The following ALMS1 variants were observed in gnomAD, a reference collection of about 807,000 sequenced individuals.
ALMS1 encodes ALMS1 centrosome and basal body associated protein.
A neutral mutation model predicts 352.2 loss-of-function variants in ALMS1; 271 were observed. The observed-to-expected ratio is 0.77, with a 90% confidence interval of 0.70 to 0.85. The LOEUF (loss-of-function observed/expected upper bound fraction) is 0.85. ALMS1 is among the 40% of genes least tolerant of loss of function. ALMS1 has a pLI of 0.00. For missense variants in ALMS1, 5,445 were observed against 4,870.7 expected (o/e 1.12, Z -3.51); for synonymous variants, 1,865 against 1,761.2 (o/e 1.06, Z -1.48).
chr2:73,468,022 C>A (rs1672392525), intron 9 of ALMS1, among the ~76,000 whole-genome samples: 1 of 151,766 alleles, frequency 6.6e-6, no homozygotes, highest in African/African-American at 2.4e-5. Flanking sequence ...ACATTGCTGT[C>A]ATCACATATA....
At chr2:73,460,481 AACAGCTCCGGTCT>A (rs1672166470) in intron 9 of ALMS1, among the ~76,000 whole-genome samples, 1 of 152,212 alleles carries the variant, frequency 6.6e-6, no homozygotes, top group South Asian at 2.1e-4. Context: ...GCCAAATAGG[AACAGCTCCGGTCT>A]ACAGCTCCCA....
In ALMS1 at chr2:73,411,943, C is replaced by T. The variant is rs925012292; in HGVS notation, c.450+3196C>T. On this transcript the variant is annotated intron_variant, in intron 2 of 22. Transcript: ENST00000613296. Reference sequence around the variant, plus strand: ...ACCAGCTACTTTACTACAAATGTCTCGTCCTCTCTTCCCTTCCGGCTACTG... The same window carrying T: ...ACCAGCTACTTTACTACAAATGTCTTGTCCTCTCTTCCCTTCCGGCTACTG... 3.9e-5 allele frequency among the ~76,000 whole-genome samples: 6 copies of T among 152,186 alleles called. No homozygotes were observed. The East Asian group carries it at 5.8e-4, about 15-fold the overall frequency.
At position 73,399,265 on chromosome 2, in the gene ALMS1, C is replaced by G. The variant is rs115216924; in HGVS notation, c.325-9357C>G. ...CTTGTCTTATTGCATTAGCTATGAC[C>G]TCCAATACACTGTTGGACAGTGGTG... On this transcript the variant is annotated intron_variant, in intron 1 of 22. Transcript: ENST00000613296. 7.9e-3 allele frequency among the ~76,000 whole-genome samples: 1,200 copies of G among 152,174 alleles called. 14 individuals are homozygous for G. The highest frequency in any genetic ancestry group is 0.028 in the African/African-American group (1,147 of 41,532).
chr2:73,541,683 G>C (rs554718493), intron 12 of ALMS1, among the ~76,000 whole-genome samples: 4 of 152,152 alleles, frequency 2.6e-5, no homozygotes, highest in East Asian at 3.9e-4. Context: ...TGATAAAGGG[G>C]ATATCACCAC....
rs752336806 is a variant in ALMS1, at chr2:73,453,567, G to A, written c.7040G>A (p.Gly2347Asp). Residue 2347 changes from glycine to aspartate, a missense_variant, in exon 8 of 23, where the codon GGC (glycine) becomes GAC (aspartate). Transcript: ENST00000613296. ...CAGACGAATTTGAAATGCCGGAGAG[G>A]CATTGAAAATTGGGAGTTTATTAGT... ...GTQTNLKCRRGIENWEFISST... is the reference protein window; with the variant it reads ...GTQTNLKCRRDIENWEFISST... The A allele has an allele frequency of 6.2e-7, 1 of 1,613,754 alleles. No individual in the cohort carries two copies. The highest frequency in any genetic ancestry group is 1.3e-5 in the African/African-American group (1 of 74,844).
chr2:73,563,326 A>G (rs1674705385), intron 15 of ALMS1, among the ~76,000 whole-genome samples: 1 of 152,174 alleles, frequency 6.6e-6, no homozygotes, highest in African/African-American at 2.4e-5. Context: ...CACAATGAGG[A>G]TATTTTGCAT....
chr2:73,439,284 C>CTT (rs879553051), intron 7 of ALMS1, among the ~76,000 whole-genome samples: 1 of 145,552 alleles, frequency 6.9e-6, no homozygotes, highest in Non-Finnish European at 1.5e-5. Flanking sequence ...CCCAGCTAAT[C>CTT]TTTTTTTTTT....
intron 11 of ALMS1, among the ~76,000 whole-genome samples, chr2:73,524,837 C>G (rs1673756342): frequency 6.6e-6 from 1 of 152,128 alleles, no homozygotes. Context: ...CTGATTATAT[C>G]TGACTATATT....
At chr2:73,426,382 TC>T (rs1671378668) in intron 5 of ALMS1, 70 bp from the exon 6 acceptor site, 4 of 1,487,034 alleles carry the variant, frequency 2.7e-6, no homozygotes, top group African/African-American at 2.8e-5. Context: ...AAGGTGAAAG[TC>T]CTTCGTGTGT....
chr2:73,464,231 A>T (rs527714066), intron 9 of ALMS1, among the ~76,000 whole-genome samples: 1 of 152,164 alleles, frequency 6.6e-6, no homozygotes, highest in South Asian at 2.1e-4. Context: ...GCAGCACATC[A>T]AAAAGCTTAT....
At chr2:73,404,225 G>A (rs1670928651) in intron 1 of ALMS1, among the ~76,000 whole-genome samples, 1 of 152,128 alleles carries the variant, frequency 6.6e-6, no homozygotes, top group Non-Finnish European at 1.5e-5. Flanking sequence ...GTCGATTTTA[G>A]TCTTTGGGGG....
At chr2:73,547,278 T>C (rs900548222) in intron 12 of ALMS1, among the ~76,000 whole-genome samples, 2 of 152,186 alleles carry the variant, frequency 1.3e-5, no homozygotes, top group African/African-American at 2.4e-5. Context: ...CATAACTACA[T>C]TGTAAGTGGT....
intron 13 of ALMS1, among the ~76,000 whole-genome samples, chr2:73,552,203 T>C (rs1472878203): frequency 6.6e-6 from 1 of 152,222 alleles, no homozygotes; most frequent in Admixed American, 6.5e-5. Flanking sequence ...ATCCCTCCAT[T>C]TTTTTAGATA....
intron 11 of ALMS1, among the ~76,000 whole-genome samples, chr2:73,521,432 A>T (rs1302422211): frequency 1.3e-5 from 2 of 152,050 alleles, no homozygotes; most frequent in Non-Finnish European, 2.9e-5. Context: ...TGGCAGAAAC[A>T]CAAGAGAGGA....
chr2:73,476,561 T>G (rs1381146063), intron 9 of ALMS1, among the ~76,000 whole-genome samples: 4 of 151,258 alleles, frequency 2.6e-5, no homozygotes, highest in African/African-American at 9.8e-5. Flanking sequence ...CCAATACTTG[T>G]TATTTTCTGT....
chr2:73,424,290 T>G (rs1671336441), intron 4 of ALMS1, 140 bp from the exon 5 acceptor site: 1 of 589,076 alleles, frequency 1.7e-6, no homozygotes, highest in African/African-American at 1.9e-5. Context: ...TAGAAGAGTC[T>G]GAAATTAGGA....
At chr2:73,414,770 C>CTTCCT (rs761127000) in intron 2 of ALMS1, among the ~76,000 whole-genome samples, 12 of 151,878 alleles carry the variant, frequency 7.9e-5, no homozygotes, top group Non-Finnish European at 1.5e-4. Flanking sequence ...GCTGCTTTAT[C>CTTCCT]TTCCTTTGTT....
chr2:73,429,306 A>C (rs565761150), intron 6 of ALMS1, among the ~76,000 whole-genome samples: 5 of 116,684 alleles, frequency 4.3e-5, no homozygotes, highest in African/African-American at 1.7e-4. Context: ...TTTGAGGCAG[A>C]GTTTTGCTCT....
intron 9 of ALMS1, among the ~76,000 whole-genome samples, chr2:73,485,954 C>G (rs1022395468): frequency 6.6e-6 from 1 of 152,088 alleles, no homozygotes; most frequent in Non-Finnish European, 1.5e-5. Flanking sequence ...CGCGCACCCA[C>G]TGACCTGCGC....
Sources: gnomAD v4.1 joint callset for allele counts (sites outside exome capture counted in the v4.1 genomes callset) on GRCh38, gnomAD v4.1.1 for gene constraint, MANE v1.5 for transcripts, NCBI Gene and HGNC (gene_info 2026-07-23, HGNC 2026-07-21) for gene names.